Variants in SNAP47 observed in about 807,000 individuals in gnomAD.
The protein encoded by SNAP47 is synaptosomal-associated protein 47.
A neutral mutation model predicts 31.4 loss-of-function variants in SNAP47; 20 were observed. The observed-to-expected ratio is 0.64, with a 90% CI of 0.45 to 0.93. The LOEUF (loss-of-function observed/expected upper bound fraction) is 0.93. Ranked by LOEUF, SNAP47 falls within the 40% of genes least tolerant of loss-of-function variation. The pLI is 0.00. For missense variants in SNAP47, 492 were observed against 528.5 expected (o/e 0.93, Z 0.68); for synonymous variants, 194 against 213.4 (o/e 0.91, Z 0.79).
rs967279177 is a variant in SNAP47 at position 227,763,830 on chromosome 1, A to G, written c.989-3129A>G. Among the ~76,000 whole-genome samples, 6 of 152,120 alleles carry G rather than the reference A, an allele frequency of 3.9e-5. No individual in the cohort carries two copies. The highest frequency in any genetic ancestry group is 2.0e-4 in the Admixed American group (3 of 15,270). On this transcript the variant is annotated intron_variant, in intron 3 of 4. Transcript: ENST00000617596. This position sits in a 1 kb window ranked among gnomAD's most constrained non-coding sequence, Gnocchi z 4.2. ...GAGTGTTGGAGGCCAGGGCTGAGGG[A>G]AGGGGCTTGCTGGAGACAGACAGGC...
At chr1:227,731,069 C>T (rs896389665), upstream of SNAP47, 1 of 152,560 alleles carries the variant, frequency 6.6e-6, no homozygotes, top group African/African-American at 2.4e-5. Context: ...CCTTTGCTGC[C>T]CGTGGTTTGG....
upstream of SNAP47, chr1:227,732,902 G>A (rs148720946): frequency 2.2e-5 from 35 of 1,612,756 alleles, no homozygotes; most frequent in East Asian, 1.8e-4. Flanking sequence ...GGTGCCAGTC[G>A]GGCATGGAGT....
rs1003764376 is a variant in SNAP47 at position 227,766,061 on chromosome 1, GT to G, written c.989-897del. Among the ~76,000 whole-genome samples, 8 of 152,240 alleles carry G rather than the reference GT, an allele frequency of 5.3e-5. 1 individual carries two copies. The highest frequency in any genetic ancestry group is 6.8e-3 in the Middle Eastern group (2 of 294). ...CCCCCCTTTCCTCTCCTTTTCTGAT[GT>G]CACGCTCAGCCACTGCTCCCGGGCT... On this transcript the variant is annotated intron_variant, in intron 3 of 4. Transcript: ENST00000617596.
At chr1:227,736,451 C>T (rs866606908) in intron 1 of SNAP47, 1 of 148,722 alleles carries the variant, frequency 6.7e-6, no homozygotes, top group African/African-American at 2.5e-5. Context: ...CAGGTGGGAC[C>T]AGTTGGGATA....
intron 4 of SNAP47, among the ~76,000 whole-genome samples, chr1:227,773,975 T>C (rs1343017632): frequency 2.0e-5 from 3 of 152,266 alleles, no homozygotes; most frequent in African/African-American, 7.2e-5. Flanking sequence ...CATCACCTGT[T>C]GGTTGTTTAA....
intron 1 of SNAP47, among the ~76,000 whole-genome samples, chr1:227,739,214 G>A (rs1246511548): frequency 6.6e-6 from 1 of 152,156 alleles, no homozygotes; most frequent in African/African-American, 2.4e-5. Context: ...AGGCTGGAAT[G>A]CAATAGCGCT....
Position 227,747,999 on chromosome 1 carries a change from A to T in SNAP47, c.263A>T (p.Asn88Ile), listed in dbSNP as rs377090516. 2.5e-6 allele frequency: 4 copies of T among 1,614,120 alleles called. No homozygotes were observed. Among genetic ancestry groups the T allele is most frequent in the African/African-American group, 1.3e-5 (1 of 74,924 alleles). The change falls in exon 2 of 5, where the codon AAT becomes ATT. Residue 88 changes from asparagine to isoleucine, a missense_variant. Transcript: ENST00000617596. The part of the protein sequence containing the change: ...HWFSSLRPSR[N>I]VVFSIIEHFW... Reference sequence around the variant, plus strand: ...TTCAGCTCCCTGCGGCCAAGTCGAAATGTGGTCTTCAGCATCATCGAGCAT... The same window carrying T: ...TTCAGCTCCCTGCGGCCAAGTCGAATTGTGGTCTTCAGCATCATCGAGCAT...
chr1:227,772,555 C>G (rs554332303), intron 4 of SNAP47, among the ~76,000 whole-genome samples: 1 of 152,268 alleles, frequency 6.6e-6, no homozygotes, highest in South Asian at 2.1e-4. Flanking sequence ...TGTAAGCGTT[C>G]ACGTGAGCAT....
upstream of SNAP47, chr1:227,733,001 G>T (rs1427310963): frequency 6.2e-7 from 1 of 1,613,524 alleles, no homozygotes; most frequent in East Asian, 2.2e-5. Flanking sequence ...CATTGACCCA[G>T]TTGTGGTTGA....
In SNAP47 at chr1:227,777,128, A is replaced by G. The variant is rs1295272989; in HGVS notation, c.1114-3399A>G. On this transcript the variant is annotated intron_variant, in intron 4 of 4. Coordinates refer to ENST00000617596, the MANE Select transcript of SNAP47 (RefSeq NM_053052.4). ...CTTTTTTAAAAAAAAAAGTTATTTT[A>G]TTTTCTTCTTTATATTCTGGGGAGA... 2.2e-5 allele frequency: 19 copies of G among 873,284 alleles called. 1 individual carries two copies. The East Asian group carries it at 2.3e-3, about 105-fold the overall frequency. The allele number at this position is 873,284 out of a possible 1,614,324, so 54.1% of individuals were successfully genotyped here.
upstream of SNAP47, chr1:227,731,358 C>G (rs1037946512): frequency 6.6e-6 from 1 of 152,310 alleles, no homozygotes; most frequent in Non-Finnish European, 1.5e-5. Flanking sequence ...ATGCCACGGG[C>G]AGGCAATGTG....
chr1:227,749,993 G>A (rs1158098119), intron 2 of SNAP47, among the ~76,000 whole-genome samples: 1 of 152,268 alleles, frequency 6.6e-6, no homozygotes, highest in African/African-American at 2.4e-5. Flanking sequence ...GCAGTGGGCA[G>A]AACCTCTGTG....
chr1:227,770,140 C>T (rs1180420485), intron 4 of SNAP47, among the ~76,000 whole-genome samples: 2 of 152,248 alleles, frequency 1.3e-5, no homozygotes, highest in Admixed American at 6.5e-5. Context: ...CCTCAGCCTC[C>T]TGCCTTATGG....
chr1:227,763,620 A>G lies in SNAP47; in HGVS notation c.989-3339A>G, dbSNP rs912788266. On this transcript the variant is annotated intron_variant, in intron 3 of 4. Coordinates refer to ENST00000617596, the MANE Select transcript of SNAP47 (RefSeq NM_053052.4). This position sits in a 1 kb window ranked among gnomAD's most constrained non-coding sequence, Gnocchi z 4.2. ...TGACTGGGGAGCCTGGGGGTACTGC[A>G]TCAGCTGGCCTGGAGCCTATCAGAG... 3.3e-5 allele frequency among the ~76,000 whole-genome samples: 5 copies of G among 152,180 alleles called. No individual in the cohort carries two copies. The highest frequency in any genetic ancestry group is 4.8e-5 in the African/African-American group (2 of 41,452).
At chr1:227,761,733 G>A (rs550738691) in intron 3 of SNAP47, among the ~76,000 whole-genome samples, 8 of 152,292 alleles carry the variant, frequency 5.3e-5, no homozygotes, top group South Asian at 2.1e-4. Context: ...TATGTGTGGC[G>A]TCAGGCAGGA....
Position 227,756,495 on chromosome 1 carries a change from T to C in SNAP47, c.498-2500T>C, listed in dbSNP as rs570214574. ...TCCCCTGTGCGTGACCAGGTGCCAC[T>C]TTGATACACAGAATATTTCTGGACC... On this transcript the variant is annotated intron_variant, in intron 2 of 4. Transcript: ENST00000617596. 1.4e-4 allele frequency among the ~76,000 whole-genome samples: 22 copies of C among 152,394 alleles called. 1 individual carries two copies. The highest frequency in any genetic ancestry group is 5.3e-4 in the African/African-American group (22 of 41,602).
intron 4 of SNAP47, among the ~76,000 whole-genome samples, chr1:227,767,990 A>C (rs1403523327): frequency 6.6e-6 from 1 of 152,248 alleles, no homozygotes; most frequent in Non-Finnish European, 1.5e-5. Context: ...TGGCTTTCCA[A>C]GTAATTTTTG....
intron 4 of SNAP47, 50 bp downstream of exon 4, chr1:227,767,133 C>A: frequency 1.2e-6 from 2 of 1,605,590 alleles, no homozygotes; most frequent in South Asian, 1.1e-5. Flanking sequence ...CCAGTCTTCC[C>A]GCAGGCTGCT....
At chr1:227,757,754 A>G (rs1021374840) in intron 2 of SNAP47, among the ~76,000 whole-genome samples, 2 of 152,264 alleles carry the variant, frequency 1.3e-5, no homozygotes, top group African/African-American at 2.4e-5. Context: ...GAAGCTGTCT[A>G]CAGTCAGGAT....
Sources: gnomAD v4.1 joint callset for allele counts (sites outside exome capture counted in the v4.1 genomes callset) on GRCh38, gnomAD v4.1.1 for gene constraint, Gnocchi (gnomAD v3.1) non-coding constraint, MANE v1.5 for transcripts, NCBI Gene and HGNC (gene_info 2026-07-23, HGNC 2026-07-21) for gene names.